RNF220: variants seen among roughly 807,000 people sequenced by gnomAD.
RNF220 encodes the protein ring finger protein 220.
A neutral mutation model predicts 67.1 loss-of-function variants in RNF220; 7 were observed. The ratio of observed to expected loss-of-function variants is 0.10; its 90% CI spans 0.06 to 0.20. RNF220 has a LOEUF of 0.20. Among genes scored for constraint, RNF220 ranks in the 10% least tolerant of loss-of-function variants. The probability of loss-of-function intolerance (pLI) is 1.00; values close to 1 mark genes in which losing one functional copy is unlikely to be tolerated. For missense variants in RNF220, 565 were observed against 740.3 expected (o/e 0.76, Z 2.75); for synonymous variants, 270 against 283.2 (o/e 0.95, Z 0.47).
rs576780422 is a variant in RNF220 at position 44,650,205 on chromosome 1, G to A, written c.1629+248G>A. 8.8e-5 allele frequency: 51 copies of A among 577,862 alleles called. No homozygotes were observed. Among genetic ancestry groups the A allele is most frequent in the South Asian group, 3.6e-4 (18 of 49,480 alleles). 35.8% of individuals were successfully genotyped at this position (577,862 alleles called of 1,614,324 possible). On this transcript the variant is annotated intron_variant, in intron 14 of 14. Transcript: ENST00000361799. The surrounding 1 kb of genome is among the most constrained non-coding windows in gnomAD (Gnocchi z 4.3). ...TTCTCCCTTCCCCGCCCCGGTCCCC[G>A]AAGGCCCACTGCATCACACAGACTG... is the stretch of plus-strand genomic sequence containing the variant.
intron 3 of RNF220, among the ~76,000 whole-genome samples, chr1:44,618,065 C>T (rs969387903): frequency 5.9e-5 from 9 of 152,212 alleles, no homozygotes; most frequent in African/African-American, 1.4e-4. Flanking sequence ...AACCTGGACA[C>T]GTCCCCCCTC....
intron 2 of RNF220, among the ~76,000 whole-genome samples, chr1:44,553,510 G>T (rs1662839198): frequency 6.6e-6 from 1 of 152,122 alleles, no homozygotes. Flanking sequence ...TGTACTCTCT[G>T]CAAACCTGTA....
rs201920718 is a variant in RNF220, at chr1:44,649,894, G to A, written c.1566G>A (p.Ser522=). The change falls in exon 14 of 15, where the codon TCG becomes TCA. Residue 522 remains serine (S), a synonymous_variant. Transcript: ENST00000361799. The surrounding 1 kb of genome is among the most constrained non-coding windows in gnomAD (Gnocchi z 5.9). ...YKCLICMDSY[S]MPLTSIQCWH... ...CCCCTCCTCCCTAGGACTCGTACTC[G>A]ATGCCCCTAACGTCCATCCAGTGTT... 62 of 1,614,036 alleles carry A rather than the reference G, an allele frequency of 3.8e-5. No individual in the cohort carries two copies. The Admixed American group carries it at 4.0e-4, about 10-fold the overall frequency.
intron 2 of RNF220, among the ~76,000 whole-genome samples, chr1:44,484,689 G>C (rs1656126297): frequency 6.6e-6 from 1 of 152,154 alleles, no homozygotes; most frequent in South Asian, 2.1e-4. Flanking sequence ...CGGTATTGCT[G>C]TAACTGGGTC....
rs1189552985 is a variant in RNF220 at position 44,649,241 on chromosome 1, G to A, written c.1446-420G>A. On this transcript the variant is annotated intron_variant, in intron 12 of 14. Coordinates refer to ENST00000361799, the MANE Select transcript of RNF220 (RefSeq NM_018150.4). This position sits in a 1 kb window ranked among gnomAD's most constrained non-coding sequence, Gnocchi z 5.9. ...TTTGAGAACATAAATTCCTCTAGGC[G>A]CTGGGAGAGTGGAATAGAGATGAGG... 3 of 227,954 alleles carry A rather than the reference G, an allele frequency of 1.3e-5. No individual in the cohort carries two copies. Among genetic ancestry groups the A allele is most frequent in the Non-Finnish European group, 2.6e-5 (3 of 113,660 alleles). 14.1% of individuals were successfully genotyped at this position (227,954 alleles called of 1,614,324 possible).
chr1:44,544,859 G>C (rs1487237594), intron 2 of RNF220, among the ~76,000 whole-genome samples: 1 of 152,214 alleles, frequency 6.6e-6, no homozygotes, highest in Non-Finnish European at 1.5e-5. Context: ...TTCCAGGAGG[G>C]GTTGTTGTAT....
chr1:44,448,891 T>A (rs1366033372), intron 2 of RNF220, among the ~76,000 whole-genome samples: 1 of 152,252 alleles, frequency 6.6e-6, no homozygotes, highest in Non-Finnish European at 1.5e-5. Flanking sequence ...GGAAGCTTGA[T>A]AAATATTTGT....
intron 2 of RNF220, among the ~76,000 whole-genome samples, chr1:44,451,276 C>T (rs1362032813): frequency 1.3e-5 from 2 of 151,800 alleles, no homozygotes; most frequent in Admixed American, 6.6e-5. Flanking sequence ...ATAATCATTA[C>T]ACATCTCACC....
chr1:44,514,872 C>T (rs1460917448), intron 2 of RNF220, among the ~76,000 whole-genome samples: 1 of 152,154 alleles, frequency 6.6e-6, no homozygotes, highest in East Asian at 1.9e-4. Flanking sequence ...ACAGTAACCT[C>T]TCATGCTCCA....
At chr1:44,497,027 T>C (rs773246504) in intron 2 of RNF220, among the ~76,000 whole-genome samples, 71 of 152,118 alleles carry the variant, frequency 4.7e-4, no homozygotes, top group Non-Finnish European at 7.1e-4. Context: ...TAATGTCTCC[T>C]CTGTGACACT....
intron 2 of RNF220, among the ~76,000 whole-genome samples, chr1:44,549,978 A>G (rs1662492913): frequency 6.6e-6 from 1 of 152,194 alleles, no homozygotes; most frequent in Admixed American, 6.5e-5. Flanking sequence ...CAAGGACTCC[A>G]AGCCACCAGA....
intron 2 of RNF220, among the ~76,000 whole-genome samples, chr1:44,445,049 T>G (rs149819955): frequency 1.4e-3 from 206 of 152,366 alleles, no homozygotes; most frequent in African/African-American, 4.8e-3. Context: ...GACCTTTTAA[T>G]ATTTAATCAT....
intron 2 of RNF220, among the ~76,000 whole-genome samples, chr1:44,501,855 A>G (rs1657922733): frequency 6.6e-6 from 1 of 151,878 alleles, no homozygotes. Context: ...CCTCCTCTGC[A>G]CTCTAATTGC....
rs145206362 is a variant in RNF220 at position 44,539,552 on chromosome 1, G to A, written c.626-74613G>A. Reference sequence around the variant, plus strand: ...GCTAATCATCATAATGCAATGTAATGAGTGTCTGCAGAGAGGAGAGTATGG... The same window carrying A: ...GCTAATCATCATAATGCAATGTAATAAGTGTCTGCAGAGAGGAGAGTATGG... On this transcript the variant is annotated intron_variant, in intron 2 of 14. Coordinates refer to ENST00000361799, the MANE Select transcript of RNF220 (RefSeq NM_018150.4). Among the ~76,000 whole-genome samples, 538 of 152,308 alleles carry A rather than the reference G, an allele frequency of 3.5e-3. 3 individuals carry two copies. The highest frequency in any genetic ancestry group is 0.02 in the Middle Eastern group (6 of 294).
chr1:44,422,371 C>A (rs1191579530), intron 2 of RNF220, among the ~76,000 whole-genome samples: 1 of 152,140 alleles, frequency 6.6e-6, no homozygotes, highest in African/African-American at 2.4e-5. Context: ...AAAGTCTGGA[C>A]GCATGGGCTT....
chr1:44,572,987 C>T (rs1412480331), intron 2 of RNF220: 2 of 413,116 alleles, frequency 4.8e-6, no homozygotes, highest in Non-Finnish European at 4.9e-6. Context: ...AAGAGAAGTT[C>T]TCGAGGCCCT....
At chr1:44,499,105 A>T (rs906446748) in intron 2 of RNF220, among the ~76,000 whole-genome samples, 14 of 152,166 alleles carry the variant, frequency 9.2e-5, no homozygotes, top group African/African-American at 3.4e-4. Context: ...CCTGCCTTTC[A>T]TGTCCCCCAC....
intron 2 of RNF220, among the ~76,000 whole-genome samples, chr1:44,526,647 C>T (rs1660401288): frequency 6.6e-6 from 1 of 152,176 alleles, no homozygotes; most frequent in South Asian, 2.1e-4. Context: ...AAATATCCCT[C>T]TTCCTACCAA....
chr1:44,624,084 G>A lies in RNF220; in HGVS notation c.804+1297G>A, dbSNP rs1643878787. Among the ~76,000 whole-genome samples the A allele has an allele frequency of 6.6e-6, 1 of 152,232 alleles. No homozygotes were observed. The highest frequency in any genetic ancestry group is 2.1e-4 in the South Asian group (1 of 4,832). On this transcript the variant is annotated intron_variant, in intron 4 of 14. Transcript: ENST00000361799. The surrounding 1 kb of genome is among the most constrained non-coding windows in gnomAD (Gnocchi z 4.2). ...CCTGCAGCAAGCTGGGAGAGGAGGA[G>A]CAGAGCACCTAGCCCTGCCTTGGGT...
Sources: allele counts gnomAD v4.1 joint callset (sites outside exome capture counted in the v4.1 genomes callset), GRCh38; gene constraint gnomAD v4.1.1; non-coding constraint Gnocchi (gnomAD v3.1); transcripts MANE v1.5; gene names NCBI Gene and HGNC (gene_info 2026-07-23, HGNC 2026-07-21).